KHDRBS2: variants seen among roughly 807,000 people sequenced by gnomAD.
KHDRBS2 encodes KH domain-containing, RNA-binding, signal transduction-associated protein 2.
In KHDRBS2, 26 loss-of-function variants were observed where a neutral mutation model predicts 44.3. That is an observed-to-expected ratio of 0.59 (90% CI 0.43 to 0.81). KHDRBS2 has a LOEUF of 0.81. KHDRBS2 is among the 40% of genes least tolerant of loss of function. KHDRBS2 has a pLI of 0.00. For synonymous variants in KHDRBS2, 194 were observed against 151.1 expected (o/e 1.28, Z -2.08); for missense variants, 476 against 433.1 (o/e 1.10, Z -0.88).
At chr6:62,017,208 C>T (rs1781374302) in intron 3 of KHDRBS2, among the ~76,000 whole-genome samples, 1 of 152,022 alleles carries the variant, frequency 6.6e-6, no homozygotes, top group South Asian at 2.1e-4. Flanking sequence ...GGTCACATGA[C>T]ATGGTGTTTT....
intron 6 of KHDRBS2, among the ~76,000 whole-genome samples, chr6:61,773,763 T>G (rs1313920732): frequency 2.0e-5 from 3 of 151,750 alleles, no homozygotes; most frequent in African/African-American, 7.3e-5. Flanking sequence ...CTTCTAGGGT[T>G]TTTATGGTTT....
the KHDRBS2 span, among the ~76,000 whole-genome samples, chr6:61,571,474 G>A: frequency 2.0e-5 from 3 of 151,722 alleles, no homozygotes; most frequent in Non-Finnish European, 1.5e-5. Context: ...TAATAACAAG[G>A]GACTTTGATA....
intron 6 of KHDRBS2, among the ~76,000 whole-genome samples, chr6:61,776,601 C>A (rs561902400): frequency 1.3e-5 from 2 of 152,162 alleles, no homozygotes; most frequent in Non-Finnish European, 1.5e-5. Flanking sequence ...CCTTCTCACA[C>A]CAGTTAGAAT....
chr6:61,959,590 A>T (rs1768182848), intron 4 of KHDRBS2, among the ~76,000 whole-genome samples: 1 of 152,194 alleles, frequency 6.6e-6, no homozygotes, highest in Non-Finnish European at 1.5e-5. Context: ...GAGATTATAT[A>T]GTCTTGTTTC....
chr6:61,667,094 A>T, the KHDRBS2 span, among the ~76,000 whole-genome samples: 2 of 150,400 alleles, frequency 1.3e-5, no homozygotes, highest in Non-Finnish European at 1.5e-5. Flanking sequence ...AGACTTTTAA[A>T]CTCATTTAAA....
chr6:61,896,803 A>G (rs1803014059), intron 5 of KHDRBS2, among the ~76,000 whole-genome samples: 2 of 152,158 alleles, frequency 1.3e-5, no homozygotes, highest in South Asian at 4.1e-4. Flanking sequence ...GGCTGAGATC[A>G]CCAGTAGCCT....
intron 4 of KHDRBS2, among the ~76,000 whole-genome samples, chr6:61,915,923 G>A (rs1031980854): frequency 9.9e-5 from 15 of 151,984 alleles, no homozygotes; most frequent in African/African-American, 3.4e-4. Flanking sequence ...CTGTACTGTC[G>A]TGGATATTGC....
chr6:61,757,006 G>C (rs940137485), intron 6 of KHDRBS2, among the ~76,000 whole-genome samples: 1 of 152,138 alleles, frequency 6.6e-6, no homozygotes, highest in Non-Finnish European at 1.5e-5. Flanking sequence ...TTAACTCAAC[G>C]TAATTATTTG....
At chr6:62,149,068 G>A (rs533686091) in intron 2 of KHDRBS2, among the ~76,000 whole-genome samples, 3 of 151,712 alleles carry the variant, frequency 2.0e-5, no homozygotes, top group Non-Finnish European at 4.4e-5. Context: ...AAAAAGAAAG[G>A]ACCACAATTT....
intron 1 of KHDRBS2, among the ~76,000 whole-genome samples, chr6:62,190,885 T>G (rs1258144726): frequency 6.6e-6 from 1 of 152,064 alleles, no homozygotes; most frequent in Non-Finnish European, 1.5e-5. Context: ...CTGGAGCTTC[T>G]CTCATATGGA....
In KHDRBS2 at chr6:61,894,801, G is replaced by C. The variant is rs373695594; in HGVS notation, c.644C>G (p.Pro215Arg). The C allele has an allele frequency of 6.3e-5, 101 of 1,612,208 alleles. No individual in the cohort carries two copies. The highest frequency in any genetic ancestry group is 8.1e-5 in the Non-Finnish European group (95 of 1,179,384). Residue 215 changes from proline to arginine, a missense_variant, in exon 6 of 9, where the codon CCA becomes CGA. Physicochemically the swap from Pro to Arg is moderately radical, Grantham distance 103 (BLOSUM62 -2). Transcript: ENST00000281156. ...AGGGGTGAGAACACCTCGTCCAGGT[G>C]GTGGGGGAGGAGGAATGGCACCCCC... Reference protein sequence around the residue: ...GRGGAIPPPPPPGRGVLTPRG... With the variant: ...GRGGAIPPPPRPGRGVLTPRG...
intron 4 of KHDRBS2, among the ~76,000 whole-genome samples, chr6:61,970,216 A>G (rs570065210): frequency 1.3e-5 from 2 of 152,102 alleles, no homozygotes; most frequent in Admixed American, 6.6e-5. Context: ...TCATATATCA[A>G]TAATTCATTA....
intron 1 of KHDRBS2, among the ~76,000 whole-genome samples, chr6:62,238,991 A>G (rs1216672037): frequency 6.6e-6 from 1 of 152,206 alleles, no homozygotes; most frequent in Non-Finnish European, 1.5e-5. Context: ...TGGAACTGTT[A>G]AAAAGAATTC....
At chr6:61,558,588 A>G in the KHDRBS2 span, among the ~76,000 whole-genome samples, 1 of 152,134 alleles carries the variant, frequency 6.6e-6, no homozygotes, top group African/African-American at 2.4e-5. Context: ...TGTTTTTGCT[A>G]TATCTCATAG....
chr6:61,643,019 T>C, the KHDRBS2 span, among the ~76,000 whole-genome samples: 4 of 152,156 alleles, frequency 2.6e-5, no homozygotes, highest in African/African-American at 9.7e-5. Flanking sequence ...CTCACAAAGG[T>C]GGCCACTTAA....
intron 3 of KHDRBS2, among the ~76,000 whole-genome samples, chr6:62,037,638 T>C (rs1785571848): frequency 6.6e-6 from 1 of 151,984 alleles, no homozygotes; most frequent in African/African-American, 2.4e-5. Context: ...ACATCACAGC[T>C]TCTGGAAATG....
intron 3 of KHDRBS2, among the ~76,000 whole-genome samples, chr6:62,007,405 T>A (rs1340815866): frequency 6.6e-6 from 1 of 151,980 alleles, no homozygotes. Flanking sequence ...TTTTGATGTT[T>A]TTTTTTTTCT....
chr6:61,955,089 T>G (rs1483674676), intron 4 of KHDRBS2, among the ~76,000 whole-genome samples: 2 of 132,074 alleles, frequency 1.5e-5, no homozygotes, highest in Non-Finnish European at 3.4e-5. Context: ...TATGTATGCA[T>G]ACATATATGT....
chr6:62,152,609 G>A (rs1815459179), intron 2 of KHDRBS2, among the ~76,000 whole-genome samples: 1 of 152,180 alleles, frequency 6.6e-6, no homozygotes, highest in Non-Finnish European at 1.5e-5. Flanking sequence ...AAAAGTTGCA[G>A]AAGTAGAATT....
Sources: allele counts gnomAD v4.1 joint callset (sites outside exome capture counted in the v4.1 genomes callset), GRCh38; gene constraint gnomAD v4.1.1; transcripts MANE v1.5; gene names NCBI Gene and HGNC (gene_info 2026-07-23, HGNC 2026-07-21).